Variants in PIWIL4 observed in about 807,000 individuals in gnomAD.
The protein encoded by PIWIL4 is piwi-like protein 4.
PIWIL4 carries 50 observed loss-of-function variants against 100.9 expected under a neutral mutation model. The observed-to-expected ratio is 0.50, with a 90% CI of 0.39 to 0.63. The LOEUF is 0.63. Among genes scored for constraint, PIWIL4 ranks in the 20% least tolerant of loss-of-function variants. The probability of loss-of-function intolerance (pLI) is 0.00; values close to 1 mark genes in which losing one functional copy is unlikely to be tolerated. For synonymous variants in PIWIL4, 342 were observed against 367.5 expected, an observed-to-expected ratio of 0.93 and a Z score of 0.79; for missense variants, 887 against 1,043.3, an observed-to-expected ratio of 0.85 and a Z score of 2.06.
intron 11 of PIWIL4, among the ~76,000 whole-genome samples, chr11:94,598,963 C>A (rs145746550): frequency 7.0e-4 from 106 of 152,304 alleles, no homozygotes; most frequent in African/African-American, 2.4e-3. Context: ...CCACCTCAGC[C>A]TCTCAAAGTG....
chr11:94,620,207 A>G, intron 19 of PIWIL4, 63 bp downstream of exon 19: 2 of 1,474,244 alleles, frequency 1.4e-6, no homozygotes, highest in Non-Finnish European at 1.8e-6. Context: ...AGGAATTATC[A>G]TACACGTCAT....
At chr11:94,585,583 T>G (rs1181430974) in intron 6 of PIWIL4, 58 bp downstream of exon 6, 18 of 1,333,818 alleles carry the variant, frequency 1.3e-5, no homozygotes. Flanking sequence ...GCAACATAAT[T>G]TATGATGCAA....
intron 15 of PIWIL4, among the ~76,000 whole-genome samples, chr11:94,610,468 T>C (rs1242965975): frequency 6.6e-6 from 1 of 152,148 alleles, no homozygotes; most frequent in Non-Finnish European, 1.5e-5. Context: ...CCACCAACAA[T>C]GTATAAAGGT....
chr11:94,578,612 A>G (rs748669225), intron 4 of PIWIL4, among the ~76,000 whole-genome samples: 1 of 152,182 alleles, frequency 6.6e-6, no homozygotes, highest in Non-Finnish European at 1.5e-5. Flanking sequence ...TTATACATCA[A>G]TGATTTTGCC....
chr11:94,593,863 CT>C (rs1948519543), intron 9 of PIWIL4, among the ~76,000 whole-genome samples: 1 of 152,158 alleles, frequency 6.6e-6, no homozygotes, highest in Admixed American at 6.5e-5. Flanking sequence ...AATAGACCCC[CT>C]GATATCATCC....
intron 4 of PIWIL4, among the ~76,000 whole-genome samples, chr11:94,583,176 ACT>A (rs145379515): frequency 0.23 from 34,126 of 151,654 alleles, 4,722 homozygotes; most frequent in Non-Finnish European, 0.3. Context: ...CTGCTCTGGA[ACT>A]CTCTTTGGAC....
rs746205490 is a variant in PIWIL4, at chr11:94,567,585, C to A, written c.67C>A (p.Arg23Ser). The A allele has an allele frequency of 6.2e-7, 1 of 1,605,102 alleles. No homozygotes were observed. The change falls in exon 1 of 20, where the codon CGC becomes AGC. Residue 23 changes from arginine to serine, a missense_variant. Around this residue, in one of 2 missense-constraint regions of PIWIL4, gnomAD observed 146 missense variants for 113.4 expected, o/e 1.29. Coordinates refer to ENST00000299001, the MANE Select transcript of PIWIL4 (RefSeq NM_152431.3). The stretch of plus-strand genomic sequence containing the variant: ...CAGCCCCAGTGCCACAGAAGTGGGG[C>A]GCATCCAAGCCTCGCCATTGGTGTG... ...ARSPSATEVG[R>S]IQASPLPRSV... is the part of the protein sequence containing the mutation.
chr11:94,577,330 T>A lies in PIWIL4; in HGVS notation c.351T>A (p.Phe117Leu), dbSNP rs2135243411. 1 of 1,614,106 alleles carries A rather than the reference T, an allele frequency of 6.2e-7. No homozygotes were observed. The highest frequency in any genetic ancestry group is 8.5e-7 in the Non-Finnish European group (1 of 1,179,992). ...TTACAAACCTCTTTAACTTAGATTT[T>A]CCCCAAGACTGGCAGCTATACCAGT... ...KLVTNLFNLD[F>L]PQDWQLYQYH... The change falls in exon 4 of 20, where the codon TTT becomes TTA. Residue 117 changes from phenylalanine (F) to leucine (L), a missense_variant. Physicochemically the swap from Phe to Leu is conservative, Grantham distance 22. Coordinates refer to ENST00000299001, the MANE Select transcript of PIWIL4 (RefSeq NM_152431.3).
At chr11:94,596,150 T>C (rs985291685) in intron 10 of PIWIL4, among the ~76,000 whole-genome samples, 1 of 152,130 alleles carries the variant, frequency 6.6e-6, no homozygotes, top group Non-Finnish European at 1.5e-5. Context: ...TTTTACTTTC[T>C]TAAGGTGGAA....
intron 10 of PIWIL4, among the ~76,000 whole-genome samples, chr11:94,596,479 T>C (rs1414075710): frequency 6.6e-6 from 1 of 152,168 alleles, no homozygotes; most frequent in Non-Finnish European, 1.5e-5. Flanking sequence ...AAAAGAGAAA[T>C]GGTATAATAC....
intron 12 of PIWIL4, 80 bp from the exon 13 acceptor site, chr11:94,603,904 T>C: frequency 1.2e-6 from 1 of 823,142 alleles, no homozygotes; most frequent in South Asian, 1.8e-5. Context: ...GAAAATTTAT[T>C]TGTATTATTT....
chr11:94,613,381 A>T (rs35164064), intron 15 of PIWIL4, among the ~76,000 whole-genome samples: 8,350 of 152,188 alleles, frequency 0.055, 749 homozygotes, highest in African/African-American at 0.19. Context: ...GCTGCTTTCA[A>T]CATTCTCTGT....
At chr11:94,568,104 A>T (rs1373391746) in intron 1 of PIWIL4, among the ~76,000 whole-genome samples, 1 of 151,000 alleles carries the variant, frequency 6.6e-6, no homozygotes, top group Non-Finnish European at 1.5e-5. Flanking sequence ...CTTTGGGGTG[A>T]TGTTATTAAT....
At position 94,616,473 on chromosome 11, in the gene PIWIL4, A is replaced by T. The variant is rs560145367; in HGVS notation, c.1944-20A>T. On this transcript the variant is annotated intron_variant, in intron 15 of 19. Coordinates refer to ENST00000299001, the MANE Select transcript of PIWIL4 (RefSeq NM_152431.3). ...AAAATTGAAGTTGAATTTTACTTTT[A>T]TTTTTTTTTTTAACTTTAGGTGGTT... 2.6e-4 allele frequency: 319 copies of T among 1,233,054 alleles called. No homozygotes were observed. In the Middle Eastern group the frequency reaches 5.3e-3, roughly 20 times the overall value. 76.4% of individuals were successfully genotyped at this position (1,233,054 alleles called of 1,614,324 possible).
intron 8 of PIWIL4, among the ~76,000 whole-genome samples, chr11:94,590,876 C>G (rs1948476603): frequency 1.3e-5 from 2 of 152,156 alleles, no homozygotes; most frequent in Admixed American, 1.3e-4. Context: ...TCACAGCCAT[C>G]AGAGAGATCT....
intron 4 of PIWIL4, among the ~76,000 whole-genome samples, chr11:94,577,826 C>T (rs1188105632): frequency 6.6e-6 from 1 of 151,776 alleles, no homozygotes; most frequent in East Asian, 1.9e-4. Flanking sequence ...GATTATAAAA[C>T]AAAAAAAGTC....
intron 4 of PIWIL4, among the ~76,000 whole-genome samples, chr11:94,579,129 C>T (rs1948280897): frequency 6.6e-6 from 1 of 152,210 alleles, no homozygotes; most frequent in South Asian, 2.1e-4. Flanking sequence ...ATTAATTCTA[C>T]CTTTTTTTGC....
At position 94,583,363 on chromosome 11, in the gene PIWIL4, A is replaced by G. The variant is rs911133857; in HGVS notation, c.514-85A>G. 9.4e-6 allele frequency: 14 copies of G among 1,488,716 alleles called. No individual in the cohort carries two copies. In the South Asian group the frequency reaches 1.3e-4, roughly 14 times the overall value. 92.2% of individuals were successfully genotyped at this position (1,488,716 alleles called of 1,614,324 possible). A position where few individuals can be genotyped will look rare whatever the true frequency, so the allele number is the denominator to read the frequency against. ...TGCAGTTTTGTTTTTGTTAATGCATATTACATTGTGATGGCTTTATAATCT... is the reference window on the plus strand; with the variant it reads ...TGCAGTTTTGTTTTTGTTAATGCATGTTACATTGTGATGGCTTTATAATCT... On this transcript the variant is annotated intron_variant, in intron 4 of 19. Transcript: ENST00000299001.
intron 19 of PIWIL4, 87 bp from the exon 20 acceptor site, chr11:94,620,789 T>C: frequency 1.0e-6 from 1 of 969,470 alleles, no homozygotes. Context: ...ATTATCTGTG[T>C]AACCAGTAGA....
Sources: gnomAD v4.1 joint callset for allele counts (sites outside exome capture counted in the v4.1 genomes callset) on GRCh38, gnomAD v4.1.1 for gene constraint, gnomAD v4.1.1 regional missense constraint, MANE v1.5 for transcripts, NCBI Gene and HGNC (gene_info 2026-07-23, HGNC 2026-07-21) for gene names.